The following XIRP2 variants were observed in gnomAD, a reference collection of about 807,000 sequenced individuals.
XIRP2 encodes xin actin-binding repeat-containing protein 2.
In XIRP2, 236 loss-of-function variants were observed where a neutral mutation model predicts 277.0. That is an observed-to-expected ratio of 0.85 (90% confidence interval 0.77 to 0.95). The LOEUF is 0.95. XIRP2 is among the 40% of genes least tolerant of loss of function. XIRP2 has a pLI of 0.00. For missense variants in XIRP2, 4,640 were observed against 4,157.5 expected, an observed-to-expected ratio of 1.12 and a Z score of -3.19; for synonymous variants, 1,490 against 1,416.5, an observed-to-expected ratio of 1.05 and a Z score of -1.17.
intron 2 of XIRP2, among the ~76,000 whole-genome samples, chr2:166,912,959 C>T (rs1454446444): frequency 6.6e-6 from 1 of 152,170 alleles, no homozygotes; most frequent in East Asian, 1.9e-4. Flanking sequence ...GATCATTCCT[C>T]TGGAAGCTTC....
intron 2 of XIRP2, among the ~76,000 whole-genome samples, chr2:166,917,637 C>A (rs920962992): frequency 1.3e-5 from 2 of 151,628 alleles, no homozygotes; most frequent in Non-Finnish European, 2.9e-5. Context: ...AAAAAAAAAG[C>A]CAGTAACCAT....
At chr2:166,981,895 T>A (rs1686879312) in intron 2 of XIRP2, among the ~76,000 whole-genome samples, 1 of 152,224 alleles carries the variant, frequency 6.6e-6, no homozygotes. Flanking sequence ...ATACTTTAAA[T>A]AAGATGAAAA....
At chr2:167,218,670 A>G (rs7419512) in intron 5 of XIRP2, among the ~76,000 whole-genome samples, 44,181 of 152,010 alleles carry the variant, frequency 0.29, 8,683 homozygotes, top group African/African-American at 0.56. Flanking sequence ...GCTGCTGGTT[A>G]TTTGCATAGA....
At position 166,961,591 on chromosome 2, in the gene XIRP2, A is replaced by T. The variant is rs115650433; in HGVS notation, c.408+57701A>T. 5.9e-5 allele frequency among the ~76,000 whole-genome samples: 9 copies of T among 151,852 alleles called. 2 individuals carry two copies. The highest frequency in any genetic ancestry group is 2.2e-4 in the African/African-American group (9 of 41,486). ...TAGTTATAACAATAATCTTGATCAA[A>T]TATGTCTCCTTTTGCCTTATTTTGT... On this transcript the variant is annotated intron_variant, in intron 2 of 10. Coordinates refer to ENST00000409195, the MANE Select transcript of XIRP2 (RefSeq NM_152381.6).
At chr2:166,970,601 A>G (rs1686553235) in intron 2 of XIRP2, among the ~76,000 whole-genome samples, 1 of 151,886 alleles carries the variant, frequency 6.6e-6, no homozygotes, top group Non-Finnish European at 1.5e-5. Context: ...TTTAACTTCA[A>G]GAAGAACACA....
intron 2 of XIRP2, among the ~76,000 whole-genome samples, chr2:166,942,933 A>T (rs1347489161): frequency 6.6e-6 from 1 of 152,186 alleles, no homozygotes; most frequent in Non-Finnish European, 1.5e-5. Context: ...TCTTGTTGTT[A>T]GTAATGAAAA....
At chr2:166,960,838 A>G (rs576769219) in intron 2 of XIRP2, among the ~76,000 whole-genome samples, 21 of 151,842 alleles carry the variant, frequency 1.4e-4, no homozygotes, top group Admixed American at 9.9e-4. Context: ...CAGGCCTCCT[A>G]CTTTGAAGCA....
chr2:166,890,685 G>A (rs1684079706), intron 1 of XIRP2, among the ~76,000 whole-genome samples: 1 of 152,130 alleles, frequency 6.6e-6, no homozygotes, highest in Non-Finnish European at 1.5e-5. Context: ...TGTAGCAGAA[G>A]CTGATATGAC....
At chr2:167,000,988 A>T (rs1463771704) in intron 2 of XIRP2, among the ~76,000 whole-genome samples, 1 of 152,146 alleles carries the variant, frequency 6.6e-6, no homozygotes, top group Non-Finnish European at 1.5e-5. Context: ...TCGAGGTTAT[A>T]GTGTATTATT....
chr2:166,989,021 CA>C (rs1388045468), intron 2 of XIRP2, among the ~76,000 whole-genome samples: 1 of 81,784 alleles, frequency 1.2e-5, no homozygotes, highest in Non-Finnish European at 2.2e-5. Flanking sequence ...AGGGCACAGA[CA>C]AACAAAAAGA....
chr2:166,944,559 C>T (rs1217773709), intron 2 of XIRP2, among the ~76,000 whole-genome samples: 2 of 152,078 alleles, frequency 1.3e-5, no homozygotes, highest in Non-Finnish European at 2.9e-5. Context: ...CCAAGAGGTG[C>T]CTTTAATAAT....
At position 167,248,755 on chromosome 2, in the gene XIRP2, T is replaced by A. The variant is rs374669513; in HGVS notation, c.7363T>A (p.Cys2455Ser). Reference protein sequence around the residue: ...ELATSLSDMECKITTSKDQKK... With the variant: ...ELATSLSDMESKITTSKDQKK... ...GGCAACCTCCCTGTCAGATATGGAA[T>A]GTAAAATTACTACCTCAAAGGATCA... The change falls in exon 9 of 11, where the codon TGT (cysteine) becomes AGT (serine). Residue 2455 changes from cysteine (C) to serine (S), a missense_variant. Physicochemically the swap from Cys to Ser is moderately radical, Grantham distance 112. Transcript: ENST00000409195. 2.4e-5 allele frequency: 39 copies of A among 1,613,686 alleles called. No individual in the cohort carries two copies. In the African/African-American group the frequency reaches 4.7e-4, roughly 19 times the overall value.
rs145174955 is a variant in XIRP2 at position 166,949,953 on chromosome 2, A to G, written c.408+46063A>G. ...TATATTCTTTTTTTCCCTTTTTACA[A>G]TTTTACCTACCTTTTCTAAAATGCT... On this transcript the variant is annotated intron_variant, in intron 2 of 10. Transcript: ENST00000409195. 6.0e-4 allele frequency among the ~76,000 whole-genome samples: 91 copies of G among 152,110 alleles called. 2 individuals carry two copies. In the East Asian group the frequency reaches 0.013, roughly 22 times the overall value.
At position 167,246,951 on chromosome 2, in the gene XIRP2, T is replaced by C; in HGVS notation, c.5559T>C (p.Asn1853=). 1.2e-6 allele frequency: 2 copies of C among 1,613,378 alleles called. No homozygotes were observed. The highest frequency in any genetic ancestry group is 1.7e-6 in the Non-Finnish European group (2 of 1,179,760). The change falls in exon 9 of 11, where the codon AAT becomes AAC. Residue 1853 remains asparagine, a synonymous_variant. Transcript: ENST00000409195. ...TAAATTCCCTCAGCCAGGCTGTAAA[T>C]CAGAAAACAGTGACGAAAACAGAAG... The part of the protein sequence containing the change: ...STLNSLSQAV[N]QKTVTKTEEI...
At position 167,016,051 on chromosome 2, in the gene XIRP2, C is replaced by T. The variant is rs1429771269; in HGVS notation, c.408+112161C>T. Among the ~76,000 whole-genome samples the T allele has an allele frequency of 2.0e-5, 3 of 151,836 alleles. No homozygotes were observed. In the East Asian group the frequency reaches 5.9e-4, roughly 30 times the overall value. On this transcript the variant is annotated intron_variant, in intron 2 of 10. Coordinates refer to ENST00000409195, the MANE Select transcript of XIRP2 (RefSeq NM_152381.6). ...ATATCTGGTGTCCTTTTATTCTCCC[C>T]TTCCAAGCCTCCAAGTTCACGTATT... is the stretch of plus-strand genomic sequence containing the variant.
At chr2:166,997,309 A>G (rs1687246724) in intron 2 of XIRP2, among the ~76,000 whole-genome samples, 1 of 152,188 alleles carries the variant, frequency 6.6e-6, no homozygotes, top group Non-Finnish European at 1.5e-5. Context: ...TTGTTTACAC[A>G]AAAATCCTCA....
At chr2:167,178,104 A>G (rs1293862295) in intron 3 of XIRP2, among the ~76,000 whole-genome samples, 1 of 151,934 alleles carries the variant, frequency 6.6e-6, no homozygotes, top group Non-Finnish European at 1.5e-5. Context: ...GGTGAAAAGT[A>G]TTGTTTCATA....
At chr2:167,029,055 A>C (rs1463532418) in intron 2 of XIRP2, among the ~76,000 whole-genome samples, 2 of 151,942 alleles carry the variant, frequency 1.3e-5, no homozygotes, top group Non-Finnish European at 2.9e-5. Context: ...ACAATGAAAC[A>C]CACCCACAAG....
chr2:166,956,783 C>A (rs1430772229), intron 2 of XIRP2, among the ~76,000 whole-genome samples: 1 of 151,704 alleles, frequency 6.6e-6, no homozygotes, highest in Non-Finnish European at 1.5e-5. Context: ...CCCAAAGATT[C>A]TGTCCCTTTA....
Sources: gnomAD v4.1 joint callset for allele counts (sites outside exome capture counted in the v4.1 genomes callset) on GRCh38, gnomAD v4.1.1 for gene constraint, MANE v1.5 for transcripts, NCBI Gene and HGNC (gene_info 2026-07-23, HGNC 2026-07-21) for gene names.